Variants in MOB3B observed in about 807,000 individuals in gnomAD.
MOB3B encodes the protein MOB kinase activator 3B.
MOB3B carries 7 observed loss-of-function variants against 18.7 expected under a neutral mutation model. That is an observed-to-expected ratio of 0.37 (90% CI 0.21 to 0.70). The LOEUF (loss-of-function observed/expected upper bound fraction) is 0.70. MOB3B is among the 30% of genes least tolerant of loss of function. The pLI is 0.52. For missense variants in MOB3B, 253 were observed against 281.3 expected (o/e 0.90, Z 0.72); for synonymous variants, 111 against 99.9 (o/e 1.11, Z -0.66).
chr9:27,443,471 T>C (rs1299148441), intron 2 of MOB3B, among the ~76,000 whole-genome samples: 1 of 152,230 alleles, frequency 6.6e-6, no homozygotes. Context: ...TACTGGTCTA[T>C]CACTGAACCT....
At chr9:27,434,111 T>C (rs1490316220) in intron 2 of MOB3B, among the ~76,000 whole-genome samples, 27 of 152,208 alleles carry the variant, frequency 1.8e-4, no homozygotes, top group Admixed American at 1.8e-3. Flanking sequence ...TTCCTGGCTT[T>C]GTAATTTGGA....
chr9:27,524,895 C>T lies in MOB3B; in HGVS notation c.-199+4660G>A, dbSNP rs529693498. On this transcript the variant is annotated intron_variant, in intron 1 of 3. Transcript: ENST00000262244. Reference sequence around the variant, plus strand: ...CAGTGACTGTGCCTGGGAGATTGTCCGAGTGGAAATCAGAAGATGTTTGTA... The same window carrying T: ...CAGTGACTGTGCCTGGGAGATTGTCTGAGTGGAAATCAGAAGATGTTTGTA... 4.5e-5 allele frequency: 73 copies of T among 1,612,160 alleles called. No individual in the cohort carries two copies. The South Asian group carries it at 6.2e-4, about 14-fold the overall frequency.
At chr9:27,405,170 C>T (rs1456638958) in intron 2 of MOB3B, among the ~76,000 whole-genome samples, 1 of 117,816 alleles carries the variant, frequency 8.5e-6, no homozygotes, top group African/African-American at 3.3e-5. Flanking sequence ...TGCAGTGGTG[C>T]GATCTCGGCT....
intron 2 of MOB3B, among the ~76,000 whole-genome samples, chr9:27,415,475 A>C (rs1033757140): frequency 6.6e-6 from 1 of 152,168 alleles, no homozygotes; most frequent in African/African-American, 2.4e-5. Flanking sequence ...ATAAAACATA[A>C]GAAAAAATAG....
At chr9:27,334,469 G>A (rs1406000429) in intron 3 of MOB3B, among the ~76,000 whole-genome samples, 3 of 152,172 alleles carry the variant, frequency 2.0e-5, no homozygotes, top group Non-Finnish European at 4.4e-5. Context: ...TGGGGACGGT[G>A]GGGGTGGATG....
chr9:27,350,849 C>T (rs543178087), intron 3 of MOB3B, among the ~76,000 whole-genome samples: 184 of 152,056 alleles, frequency 1.2e-3, no homozygotes, highest in Non-Finnish European at 2.2e-3. Flanking sequence ...CACACTCCAG[C>T]TACTCTTGGC....
At chr9:27,511,528 T>C (rs1820144427) in intron 1 of MOB3B, among the ~76,000 whole-genome samples, 2 of 152,194 alleles carry the variant, frequency 1.3e-5, no homozygotes, top group South Asian at 4.1e-4. Context: ...GCTCTGCTTT[T>C]TAAAGAAAGC....
At chr9:27,435,214 C>T (rs1176051732) in intron 2 of MOB3B, among the ~76,000 whole-genome samples, 1 of 152,170 alleles carries the variant, frequency 6.6e-6, no homozygotes, top group Non-Finnish European at 1.5e-5. Flanking sequence ...TTTCCCCACA[C>T]TCCTTTTTTA....
chr9:27,387,751 C>A (rs1402025883), intron 2 of MOB3B, among the ~76,000 whole-genome samples: 3 of 152,080 alleles, frequency 2.0e-5, no homozygotes, highest in Non-Finnish European at 4.4e-5. Flanking sequence ...GACCACTGAC[C>A]TGGATTAACG....
At chr9:27,524,298 CAT>C in intron 1 of MOB3B, 3 of 1,586,074 alleles carry the variant, frequency 1.9e-6, no homozygotes, top group Non-Finnish European at 2.6e-6. Flanking sequence ...ACATCATTGT[CAT>C]ATACACATCT....
chr9:27,494,299 T>C (rs1227815707), intron 1 of MOB3B, among the ~76,000 whole-genome samples: 1 of 152,182 alleles, frequency 6.6e-6, no homozygotes, highest in Non-Finnish European at 1.5e-5. Context: ...CTTGTGATAT[T>C]CTATTGCCTT....
intron 2 of MOB3B, among the ~76,000 whole-genome samples, chr9:27,408,043 T>C (rs1344835125): frequency 6.6e-6 from 1 of 152,174 alleles, no homozygotes; most frequent in East Asian, 1.9e-4. Flanking sequence ...AGCCCGATGC[T>C]TGGGACATCA....
At chr9:27,387,942 G>GC (rs565480620) in intron 2 of MOB3B, among the ~76,000 whole-genome samples, 1 of 151,680 alleles carries the variant, frequency 6.6e-6, no homozygotes, top group South Asian at 2.1e-4. Context: ...AAATGATTTT[G>GC]CCCCCCACAG....
At chr9:27,408,004 C>T (rs2131398909) in intron 2 of MOB3B, among the ~76,000 whole-genome samples, 1 of 152,296 alleles carries the variant, frequency 6.6e-6, no homozygotes. Flanking sequence ...ACAGGCCTTT[C>T]TATCTCCAGA....
At position 27,385,160 on chromosome 9, in the gene MOB3B, G is replaced by T. The variant is rs528937538; in HGVS notation, c.419-25924C>A. On this transcript the variant is annotated intron_variant, in intron 2 of 3. Coordinates refer to ENST00000262244, the MANE Select transcript of MOB3B (RefSeq NM_024761.5). ...AAAGGAGGGTCTTTAGAAGTCATTT[G>T]CCTGAACATGTTTTCTTGCGGAATT... Among the ~76,000 whole-genome samples, 428 of 152,302 alleles carry T rather than the reference G, an allele frequency of 2.8e-3. 1 individual carries two copies. Among genetic ancestry groups the T allele is most frequent in the African/African-American group, 9.8e-3 (409 of 41,572 alleles).
intron 2 of MOB3B, among the ~76,000 whole-genome samples, chr9:27,444,852 C>T (rs571799363): frequency 4.6e-5 from 7 of 152,220 alleles, no homozygotes; most frequent in Non-Finnish European, 1.0e-4. Context: ...TATTGCTTGG[C>T]CCAGAATAAG....
intron 2 of MOB3B, among the ~76,000 whole-genome samples, chr9:27,405,561 G>A (rs1821954568): frequency 6.6e-6 from 1 of 151,960 alleles, no homozygotes; most frequent in South Asian, 2.1e-4. Flanking sequence ...TCCTTCCTTT[G>A]TTGTGCAGAA....
intron 1 of MOB3B, among the ~76,000 whole-genome samples, chr9:27,481,520 G>GTTTTTTTT: frequency 1.1e-5 from 1 of 91,728 alleles, no homozygotes; most frequent in African/African-American, 3.5e-5. Flanking sequence ...TGTTTTTTTT[G>GTTTTTTTT]TTTTTTTTTT....
intron 1 of MOB3B, among the ~76,000 whole-genome samples, chr9:27,496,432 C>T (rs1172082175): frequency 1.3e-5 from 2 of 152,318 alleles, no homozygotes; most frequent in South Asian, 4.1e-4. Context: ...CAGTTCAGGG[C>T]CTGCCTTCCT....
Sources: allele counts gnomAD v4.1 joint callset (sites outside exome capture counted in the v4.1 genomes callset), GRCh38; gene constraint gnomAD v4.1.1; transcripts MANE v1.5; gene names NCBI Gene and HGNC (gene_info 2026-07-23, HGNC 2026-07-21).